Variants in FRAS1 observed in about 807,000 individuals in gnomAD.
The protein encoded by FRAS1 is extracellular matrix organizing protein FRAS1.
Under a neutral mutation model 435.2 loss-of-function variants are expected in FRAS1, and 290 were observed. The observed-to-expected ratio is 0.67, with a 90% CI of 0.61 to 0.73. FRAS1 has a LOEUF of 0.73. FRAS1 is among the 30% of genes least tolerant of loss of function. The probability of loss-of-function intolerance (pLI) is 0.00; values close to 1 mark genes in which losing one functional copy is unlikely to be tolerated. For missense variants in FRAS1, 4,860 were observed against 5,001.5 expected, an observed-to-expected ratio of 0.97 and a Z score of 0.85; for synonymous variants, 1,800 against 1,851.0, an observed-to-expected ratio of 0.97 and a Z score of 0.71.
Position 78,451,764 on chromosome 4 carries a change from T to C in FRAS1, c.6464-8T>C. The C allele has an allele frequency of 1.3e-6, 2 of 1,579,976 alleles. No homozygotes were observed. The highest frequency in any genetic ancestry group is 1.2e-5 in the South Asian group (1 of 84,430). ...ATAGCAAATCTTGATTTTTTTTCCT[T>C]TTTATAGGCCACGTAGAATATAGTC... On this transcript the variant is annotated splice_polypyrimidine_tract_variant and splice_region_variant and intron_variant, in intron 45 of 73. Coordinates refer to ENST00000512123, the MANE Select transcript of FRAS1 (RefSeq NM_025074.7).
intron 2 of FRAS1, among the ~76,000 whole-genome samples, chr4:78,116,873 A>G (rs1018947794): frequency 4.6e-5 from 7 of 152,188 alleles, no homozygotes; most frequent in Non-Finnish European, 8.8e-5. Context: ...TCCTGTCATT[A>G]TGATGTTAGC....
At chr4:78,201,936 A>G (rs1321758462) in intron 2 of FRAS1, among the ~76,000 whole-genome samples, 2 of 152,180 alleles carry the variant, frequency 1.3e-5, no homozygotes, top group African/African-American at 2.4e-5. Flanking sequence ...TTTATTAGGT[A>G]AACAATCCTT....
chr4:78,077,009 C>T (rs1740668158), intron 2 of FRAS1, among the ~76,000 whole-genome samples: 1 of 152,138 alleles, frequency 6.6e-6, no homozygotes, highest in Admixed American at 6.6e-5. Flanking sequence ...TTTATGCGAA[C>T]TTATTAAGGT....
Position 78,445,654 on chromosome 4 carries a change from T to G in FRAS1, c.5798T>G (p.Phe1933Cys). ...SIEPTHDIFS[F>C]YVSDGTSRSE... is the part of the protein sequence containing the mutation. ...GAGCCAACCCATGATATTTTTAGTT[T>G]TTATGTGAGTGATGGAACCAGTCGT... is the stretch of plus-strand genomic sequence containing the variant. Residue 1933 changes from phenylalanine (F) to cysteine (C), a missense_variant, in exon 42 of 74, where the codon TTT becomes TGT. Physicochemically the swap from Phe to Cys is radical, Grantham distance 205. Transcript: ENST00000512123. 1 of 1,613,962 alleles carries G rather than the reference T, an allele frequency of 6.2e-7. No individual in the cohort carries two copies. Among genetic ancestry groups the G allele is most frequent in the East Asian group, 2.2e-5 (1 of 44,882 alleles).
At chr4:78,188,039 A>C (rs1722348666) in intron 2 of FRAS1, among the ~76,000 whole-genome samples, 1 of 152,190 alleles carries the variant, frequency 6.6e-6, no homozygotes, top group South Asian at 2.1e-4. Flanking sequence ...TAAATTCACC[A>C]AGTGTAGGGT....
Position 78,252,377 on chromosome 4 carries a change from C to A in FRAS1, c.310-15C>A. 3.2e-6 allele frequency: 5 copies of A among 1,566,104 alleles called. No individual in the cohort carries two copies. The highest frequency in any genetic ancestry group is 4.3e-6 in the Non-Finnish European group (5 of 1,160,518). ...GGCACTAACCTTTTTTTTTTTCTGT[C>A]TCCCTAACACACAGCATGGGACAGA... On this transcript the variant is annotated splice_polypyrimidine_tract_variant and intron_variant, in intron 4 of 73. Coordinates refer to ENST00000512123, the MANE Select transcript of FRAS1 (RefSeq NM_025074.7).
intron 2 of FRAS1, among the ~76,000 whole-genome samples, chr4:78,126,324 G>C (rs957122670): frequency 3.3e-5 from 5 of 152,168 alleles, no homozygotes; most frequent in Non-Finnish European, 5.9e-5. Context: ...CCCTTGGCTA[G>C]GAAAGGGAAA....
chr4:78,375,948 A>T (rs545508082), intron 26 of FRAS1, 69 bp downstream of exon 26: 904 of 1,548,386 alleles, frequency 5.8e-4, no homozygotes, highest in Non-Finnish European at 7.9e-4. Context: ...CTGAGTTTGC[A>T]GACATAATTG....
chr4:78,540,467 C>A (rs753015727), intron 73 of FRAS1, 64 bp from the exon 74 acceptor site: 9 of 1,060,318 alleles, frequency 8.5e-6, no homozygotes, highest in South Asian at 6.8e-5. Context: ...AATTATCCTT[C>A]CATTTCCTTT....
chr4:78,453,138 G>C (rs550242815), intron 47 of FRAS1, among the ~76,000 whole-genome samples: 1 of 151,402 alleles, frequency 6.6e-6, no homozygotes, highest in African/African-American at 2.5e-5. Flanking sequence ...TTCAAAGCTG[G>C]GATAAGTAAC....
intron 7 of FRAS1, among the ~76,000 whole-genome samples, chr4:78,266,522 C>T (rs1560613905): frequency 6.6e-6 from 1 of 152,218 alleles, no homozygotes; most frequent in African/African-American, 2.4e-5. Context: ...TAAAGAATGC[C>T]ATGGATGAGC....
chr4:78,359,757 C>G (rs966118124), intron 20 of FRAS1, among the ~76,000 whole-genome samples: 3 of 152,118 alleles, frequency 2.0e-5, no homozygotes, highest in African/African-American at 7.2e-5. Flanking sequence ...TGAGGTAGAA[C>G]TATAAACTAA....
intron 20 of FRAS1, 102 bp from the exon 21 acceptor site, chr4:78,363,411 T>C: frequency 8.6e-7 from 1 of 1,164,108 alleles, no homozygotes; most frequent in Non-Finnish European, 1.2e-6. Context: ...AGCTGTCAGC[T>C]GCAGTGTTTG....
intron 2 of FRAS1, among the ~76,000 whole-genome samples, chr4:78,141,205 C>G (rs565198584): frequency 6.6e-6 from 1 of 152,216 alleles, no homozygotes; most frequent in African/African-American, 2.4e-5. Context: ...AGCCCCCAAC[C>G]CCCTGACAGG....
intron 14 of FRAS1, among the ~76,000 whole-genome samples, chr4:78,292,895 G>T (rs542483542): frequency 1.3e-5 from 2 of 152,152 alleles, no homozygotes; most frequent in East Asian, 3.8e-4. Flanking sequence ...CCTATGCATT[G>T]TTCAGAACTT....
chr4:78,220,337 T>C (rs745670002), intron 2 of FRAS1, among the ~76,000 whole-genome samples: 9 of 152,204 alleles, frequency 5.9e-5, no homozygotes, highest in Admixed American at 1.3e-4. Context: ...TTGTGACACA[T>C]GAAAATGATA....
At chr4:78,084,761 G>A (rs1026175814) in intron 2 of FRAS1, among the ~76,000 whole-genome samples, 1 of 152,034 alleles carries the variant, frequency 6.6e-6, no homozygotes, top group African/African-American at 2.4e-5. Context: ...GTAGGGAATG[G>A]TATTTGGAGA....
chr4:78,108,929 C>T (rs1282027052), intron 2 of FRAS1, among the ~76,000 whole-genome samples: 1 of 108,492 alleles, frequency 9.2e-6, no homozygotes, highest in African/African-American at 3.9e-5. Flanking sequence ...CACCACCGAT[C>T]CCACAGAAAT....
intron 2 of FRAS1, among the ~76,000 whole-genome samples, chr4:78,149,635 A>G (rs1720561325): frequency 1.3e-5 from 2 of 152,292 alleles, no homozygotes; most frequent in Admixed American, 6.5e-5. Context: ...TTGCATCACT[A>G]TATACAATTA....
Sources: allele counts gnomAD v4.1 joint callset (sites outside exome capture counted in the v4.1 genomes callset), GRCh38; gene constraint gnomAD v4.1.1; transcripts MANE v1.5; gene names NCBI Gene and HGNC (gene_info 2026-07-23, HGNC 2026-07-21).